The following RNF213 variants were observed in gnomAD, a reference collection of about 807,000 sequenced individuals.
RNF213 encodes the protein ring finger protein 213, also known as E3 ubiquitin-protein ligase RNF213.
A neutral mutation model predicts 514.4 loss-of-function variants in RNF213; 341 were observed. The observed-to-expected ratio is 0.66, with a 90% confidence interval of 0.61 to 0.73. RNF213 has a LOEUF of 0.73. Among genes scored for constraint, RNF213 ranks in the 30% least tolerant of loss-of-function variants. The probability of loss-of-function intolerance (pLI) is 0.00; values close to 1 mark genes in which losing one functional copy is unlikely to be tolerated. For synonymous variants in RNF213, 2,655 were observed against 2,658.2 expected (o/e 1.00, Z 0.04); for missense variants, 5,767 against 6,615.6 (o/e 0.87, Z 4.45).
In RNF213 at chr17:80,295,608, G is replaced by A. The variant is rs1212034586; in HGVS notation, c.1807G>A (p.Asp603Asn). 1.9e-6 allele frequency: 3 copies of A among 1,614,042 alleles called. No individual in the cohort carries two copies. Among genetic ancestry groups the A allele is most frequent in the African/African-American group, 2.7e-5 (2 of 74,936 alleles). ...GAAAAAACACGTGGTACCATTGCCGGACGGAAAAAGCACGGACTTTTTGCC... is the reference window on the plus strand; with the variant it reads ...GAAAAAACACGTGGTACCATTGCCGAACGGAAAAAGCACGGACTTTTTGCC... The part of the protein sequence containing the change: ...HLKKHVVPLP[D>N]GKSTDFLPVD... The change falls in exon 10 of 68, where the codon GAC becomes AAC. Residue 603 changes from aspartate (D) to asparagine (N), a missense_variant. Asp to Asn is a conservative substitution (Grantham distance 23). This residue lies in a region of RNF213 where 592 missense variants were observed against 673.9 expected (regional missense o/e 0.88). Coordinates refer to ENST00000582970, the MANE Select transcript of RNF213 (RefSeq NM_001256071.3).
Position 80,309,137 on chromosome 17 carries a change from T to C in RNF213, c.2621T>C (p.Ile874Thr). ...GAGCTGCCAGCCTTATCTGCCGAGA[T>C]TGTCTGCAGAATGATTAGACTTCTA... Reference protein sequence around the residue: ...FYELPALSAEIVCRMIRLLSL... With the variant: ...FYELPALSAETVCRMIRLLSL... The change falls in exon 14 of 68, where the codon ATT becomes ACT. Residue 874 changes from isoleucine to threonine, a missense_variant. Physicochemically the swap from Ile to Thr is moderately conservative, Grantham distance 89 (BLOSUM62 -1). Around this residue, in one of 13 missense-constraint regions of RNF213, gnomAD observed 592 missense variants for 673.9 expected, o/e 0.88. Coordinates refer to ENST00000582970, the MANE Select transcript of RNF213 (RefSeq NM_001256071.3). 6.2e-7 allele frequency: 1 copy of C among 1,614,194 alleles called. No homozygotes were observed. The highest frequency in any genetic ancestry group is 8.5e-7 in the Non-Finnish European group (1 of 1,180,040).
At chr17:80,333,823 G>A (rs112003608) in intron 21 of RNF213, 1 of 406,950 alleles carries the variant, frequency 2.5e-6, no homozygotes. Flanking sequence ...TAGTTACTTG[G>A]CAGGGTTATG....
chr17:80,294,762 G>A lies in RNF213; in HGVS notation c.1514G>A (p.Gly505Glu). ...YYDIVYMKPH[G>E]RLQKVMNHIT... The stretch of plus-strand genomic sequence containing the variant: ...GACATAGTTTATATGAAGCCTCATG[G>A]GAGACTCCAGAAAGTCATGAACCAC... The change falls in exon 9 of 68, where the codon GGG (glycine) becomes GAG (glutamate). Residue 505 changes from glycine to glutamate, a missense_variant. Physicochemically the swap from Gly to Glu is moderately conservative, Grantham distance 98. Around this residue, in one of 13 missense-constraint regions of RNF213, gnomAD observed 592 missense variants for 673.9 expected, o/e 0.88. Coordinates refer to ENST00000582970, the MANE Select transcript of RNF213 (RefSeq NM_001256071.3). 6.2e-7 allele frequency: 1 copy of A among 1,614,076 alleles called. No homozygotes were observed. The highest frequency in any genetic ancestry group is 8.5e-7 in the Non-Finnish European group (1 of 1,180,044).
rs1232539312 is a variant in RNF213 at position 80,294,949 on chromosome 17, G to T, written c.1701G>T (p.Met567Ile). 1.2e-6 allele frequency: 2 copies of T among 1,614,174 alleles called. No homozygotes were observed. Among genetic ancestry groups the T allele is most frequent in the East Asian group, 2.2e-5 (1 of 44,874 alleles). ...EQFCFVLQQP[M>I]IYEGQAQLWT... ...TTTGCTTTGTCCTGCAACAGCCTATGATTTATGAAGGACAGGCACAGCTGT... is the reference window on the plus strand; with the variant it reads ...TTTGCTTTGTCCTGCAACAGCCTATTATTTATGAAGGACAGGCACAGCTGT... The change falls in exon 9 of 68, where the codon ATG becomes ATT. Residue 567 changes from methionine (M) to isoleucine (I), a missense_variant. Around this residue, in one of 13 missense-constraint regions of RNF213, gnomAD observed 592 missense variants for 673.9 expected, o/e 0.88. Transcript: ENST00000582970.
intron 1 of RNF213, among the ~76,000 whole-genome samples, 184 bp downstream of exon 1, chr17:80,261,086 G>A (rs1361084403): frequency 6.6e-6 from 1 of 152,032 alleles, no homozygotes; most frequent in African/African-American, 2.4e-5. Flanking sequence ...CCCCGCCCGC[G>A]GCGCCCACTG....
chr17:80,263,463 G>T lies in RNF213; in HGVS notation c.-108-111G>T. On this transcript the variant is annotated intron_variant, in intron 1 of 67. Transcript: ENST00000582970. The surrounding 1 kb of genome is among the most constrained non-coding windows in gnomAD (Gnocchi z 4.9). ...ACCAGGGCAGAGACTGCAAAAGCTT[G>T]AGAGCCAAGGGGGCAGCACAGAGCG... 1.8e-6 allele frequency: 1 copy of T among 543,668 alleles called. No homozygotes were observed. Among genetic ancestry groups the T allele is most frequent in the Non-Finnish European group, 3.4e-6 (1 of 295,944 alleles). 33.7% of individuals were successfully genotyped at this position (543,668 alleles called of 1,614,324 possible). A position where few individuals can be genotyped will look rare whatever the true frequency, so the allele number is the denominator to read the frequency against.
rs941195179 is a variant in RNF213 at position 80,332,085 on chromosome 17, G to A, written c.3597G>A (p.Leu1199=). 2 of 1,537,084 alleles carry A rather than the reference G, an allele frequency of 1.3e-6. No homozygotes were observed. The highest frequency in any genetic ancestry group is 2.7e-5 in the African/African-American group (2 of 73,060). Residue 1199 remains leucine, a synonymous_variant, in exon 21 of 68, where the codon CTG becomes CTA. Coordinates refer to ENST00000582970, the MANE Select transcript of RNF213 (RefSeq NM_001256071.3). The part of the protein sequence containing the change: ...KRLNDTVTVR[L]STSSNSQRAT... The stretch of plus-strand genomic sequence containing the variant: ...TAAATGACACCGTGACAGTGAGACT[G>A]TCCACCTCCTCGAACTCGCAGAGGG...
intron 2 of RNF213, among the ~76,000 whole-genome samples, chr17:80,270,420 A>G (rs751683518): frequency 1.1e-4 from 17 of 152,132 alleles, no homozygotes; most frequent in Non-Finnish European, 2.2e-4. Flanking sequence ...TTACAATGCA[A>G]ATCTCTTCAA....
At position 80,328,195 on chromosome 17, in the gene RNF213, A is replaced by G. The variant is rs371701458; in HGVS notation, c.3368-133A>G. The G allele has an allele frequency of 2.3e-5, 27 of 1,197,762 alleles. No individual in the cohort carries two copies. In the African/African-American group the frequency reaches 2.5e-4, roughly 11 times the overall value. The allele number at this position is 1,197,762 out of a possible 1,614,324, so 74.2% of individuals were successfully genotyped here. On this transcript the variant is annotated intron_variant, in intron 19 of 67. Transcript: ENST00000582970. ...GTGATAAAATAATGGCCATCTCGAA[A>G]AAGTGGGTATGCGCAAAACCATCCT...
Position 80,298,232 on chromosome 17 carries a change from G to C in RNF213, c.2013-89G>C, listed in dbSNP as rs754551738. On this transcript the variant is annotated intron_variant, in intron 10 of 67. Coordinates refer to ENST00000582970, the MANE Select transcript of RNF213 (RefSeq NM_001256071.3). ...GGTGCTCCTCTTGCTCTGTGTGCAC[G>C]GTGCTTGCTTCCTGTTGGGACTCCA... 3.5e-5 allele frequency: 47 copies of C among 1,348,504 alleles called. 1 individual carries two copies. In the East Asian group the frequency reaches 3.8e-4, roughly 11 times the overall value. The allele number at this position is 1,348,504 out of a possible 1,614,324, so 83.5% of individuals were successfully genotyped here. A position where few individuals can be genotyped will look rare whatever the true frequency, so the allele number is the denominator to read the frequency against.
rs2078305910 is a variant in RNF213 at position 80,346,225 on chromosome 17, A to T, written c.7890A>T (p.Glu2630Asp). Reference protein sequence around the residue: ...CASQGFMRKTEDECSFVSLRD... With the variant: ...CASQGFMRKTDDECSFVSLRD... The stretch of plus-strand genomic sequence containing the variant: ...CTCAGGGTTTCATGAGGAAAACAGA[A>T]GATGAGTGCAGCTTTGTCAGCCTCA... The change falls in exon 29 of 68, where the codon GAA becomes GAT. Residue 2630 changes from glutamate (E) to aspartate (D), a missense_variant. Physicochemically the swap from Glu to Asp is conservative, Grantham distance 45. Transcript: ENST00000582970. The surrounding 1 kb of genome is among the most constrained non-coding windows in gnomAD (Gnocchi z 8.1). The T allele has an allele frequency of 1.2e-6, 2 of 1,614,120 alleles. No homozygotes were observed. The highest frequency in any genetic ancestry group is 1.3e-5 in the African/African-American group (1 of 74,950).
intron 67 of RNF213, among the ~76,000 whole-genome samples, chr17:80,391,133 G>A (rs971270055): frequency 2.0e-5 from 3 of 152,034 alleles, no homozygotes; most frequent in African/African-American, 7.2e-5. Context: ...ACTCAACATT[G>A]GATATTATCC....
chr17:80,328,173 A>G (rs2046327222), intron 19 of RNF213, among the ~76,000 whole-genome samples, 155 bp from the exon 20 acceptor site: 1 of 152,240 alleles, frequency 6.6e-6, no homozygotes, highest in South Asian at 2.1e-4. Flanking sequence ...CGGGAAAGTG[A>G]TAAAATAATG....
intron 3 of RNF213, among the ~76,000 whole-genome samples, chr17:80,279,397 C>A (rs1598905681): frequency 6.6e-6 from 1 of 152,296 alleles, no homozygotes; most frequent in East Asian, 1.9e-4. Flanking sequence ...GTAGTGGAAG[C>A]CCTGCTCAGT....
intron 63 of RNF213, among the ~76,000 whole-genome samples, chr17:80,387,898 T>C (rs892779537): frequency 5.3e-5 from 8 of 152,048 alleles, no homozygotes; most frequent in African/African-American, 1.4e-4. Flanking sequence ...TCATATCTAC[T>C]GTACTTATGT....
intron 19 of RNF213, 47 bp from the exon 20 acceptor site, chr17:80,328,281 C>A: frequency 6.6e-7 from 1 of 1,504,758 alleles, no homozygotes; most frequent in South Asian, 1.3e-5. Flanking sequence ...TGGAAAATGG[C>A]ATTTGTTGCT....
chr17:80,393,360 C>A lies in RNF213; in HGVS notation c.15486C>A (p.Leu5162=). The A allele has an allele frequency of 3.1e-6, 5 of 1,614,028 alleles. No homozygotes were observed. The highest frequency in any genetic ancestry group is 4.2e-6 in the Non-Finnish European group (5 of 1,179,998). Residue 5162 remains leucine (L), a synonymous_variant, in exon 68 of 68, where the codon CTC becomes CTA. Transcript: ENST00000582970. ...GGTTTTTCAGCCTGAGAGACACTCT[C>A]GTAAGTTACATGCAAACTAAAGAAA... The part of the protein sequence containing the change: ...FRPQWSLRDT[L]VSYMQTKESE...
chr17:80,388,750 C>A, intron 64 of RNF213, 61 bp downstream of exon 64: 2 of 1,249,792 alleles, frequency 1.6e-6, no homozygotes, highest in Non-Finnish European at 2.4e-6. Flanking sequence ...GTGTTTCCCT[C>A]CGTGTTAGGC....
At chr17:80,389,524 A>G (rs2080376230) in intron 65 of RNF213, among the ~76,000 whole-genome samples, 157 bp downstream of exon 65, 1 of 152,206 alleles carries the variant, frequency 6.6e-6, no homozygotes, top group African/African-American at 2.4e-5. Context: ...CAGCATAAAC[A>G]GGACACACCA....
Sources: allele counts gnomAD v4.1 joint callset (sites outside exome capture counted in the v4.1 genomes callset), GRCh38; gene constraint gnomAD v4.1.1; regional missense constraint gnomAD v4.1.1; non-coding constraint Gnocchi (gnomAD v3.1); transcripts MANE v1.5; gene names NCBI Gene and HGNC (gene_info 2026-07-23, HGNC 2026-07-21).